CFAP47: variants seen among roughly 807,000 people sequenced by gnomAD.
The protein encoded by CFAP47 is cilia- and flagella-associated protein 47.
Under a neutral mutation model 148.1 loss-of-function variants are expected in CFAP47, and 29 were observed. That is an observed-to-expected ratio of 0.20 (90% CI 0.15 to 0.27). The LOEUF is 0.27. CFAP47 is among the 10% of genes least tolerant of loss of function. The pLI is 1.00. For synonymous variants in CFAP47, 664 were observed against 577.3 expected, an observed-to-expected ratio of 1.15 and a Z score of -2.15; for missense variants, 1,872 against 1,697.5, an observed-to-expected ratio of 1.10 and a Z score of -1.81.
At chrX:36,370,198 C>A (rs1203136182) in intron 62 of CFAP47, among the ~76,000 whole-genome samples, 3 of 109,581 alleles carry the variant, frequency 2.7e-5, no homozygotes, top group Non-Finnish European at 5.7e-5. Flanking sequence ...TTTGCTGCAC[C>A]CATCAACTCA....
chrX:35,925,266 C>T lies in CFAP47; in HGVS notation c.250-751C>T, dbSNP rs758777548. On this transcript the variant is annotated intron_variant, in intron 1 of 63. Transcript: ENST00000378653. ...GCGGGTGCCTGTAATCCCAGCTACT[C>T]GGGAGGCTGAGGCAGGAGAATGGCG... Among the ~76,000 whole-genome samples, 374 of 110,257 alleles carry T rather than the reference C, an allele frequency of 3.4e-3. 1 individual carries two copies. Among genetic ancestry groups the T allele is most frequent in the Non-Finnish European group, 5.2e-3 (276 of 52,766 alleles).
At chrX:36,336,248 C>CACAG (rs1371625580) in intron 57 of CFAP47, among the ~76,000 whole-genome samples, 2 of 28,031 alleles carry the variant, frequency 7.1e-5, no homozygotes, top group African/African-American at 3.7e-4. Context: ...CACACAGACA[C>CACAG]ACACACACAC....
At chrX:36,060,378 T>C (rs1283301939) in intron 26 of CFAP47, among the ~76,000 whole-genome samples, 1 of 111,800 alleles carries the variant, frequency 8.9e-6, no homozygotes, top group Non-Finnish European at 1.9e-5. Context: ...AAACACATAC[T>C]GATGTATACT....
At chrX:36,230,988 G>T (rs1257831991) in intron 46 of CFAP47, among the ~76,000 whole-genome samples, 1 of 104,837 alleles carries the variant, frequency 9.5e-6, no homozygotes, top group East Asian at 3.0e-4. Flanking sequence ...TTTGGTACCA[G>T]TACCATGCTG....
At chrX:36,363,762 C>T (rs1941847805) in intron 61 of CFAP47, among the ~76,000 whole-genome samples, 1 of 111,689 alleles carries the variant, frequency 9.0e-6, no homozygotes, top group Non-Finnish European at 1.9e-5. Context: ...CATCTTTTCA[C>T]AGAATACAGT....
chrX:36,051,355 G>T (rs1352854020), intron 26 of CFAP47, among the ~76,000 whole-genome samples: 1 of 112,137 alleles, frequency 8.9e-6, no homozygotes, highest in Non-Finnish European at 1.9e-5. Flanking sequence ...AAGGGGGGCT[G>T]TAACCTGCAA....
Position 36,149,230 on chromosome X carries a change from A to AT in CFAP47, c.5786+15dup, listed in dbSNP as rs1008346298. 1.7e-5 allele frequency: 5 copies of AT among 289,138 alleles called. No individual in the cohort carries two copies. Among genetic ancestry groups the AT allele is most frequent in the African/African-American group, 8.4e-5 (3 of 35,800 alleles). 23.8% of individuals were successfully genotyped at this position (289,138 alleles called of 1,213,427 possible). A position where few individuals can be genotyped will look rare whatever the true frequency, so the allele number is the denominator to read the frequency against. ...TTGTGACAATTTCTCCAAGGTAAGT[A>AT]TTTTTTTTAATTTTACATTATCAGA... On this transcript the variant is annotated splice_region_variant and intron_variant, in intron 37 of 63. Coordinates refer to ENST00000378653, the MANE Select transcript of CFAP47 (RefSeq NM_001304548.2).
At chrX:36,013,446 A>G (rs1937062874) in intron 21 of CFAP47, among the ~76,000 whole-genome samples, 1 of 112,040 alleles carries the variant, frequency 8.9e-6, no homozygotes, top group South Asian at 3.7e-4. Context: ...TTTCGGATAT[A>G]TGAACAATTA....
intron 52 of CFAP47, among the ~76,000 whole-genome samples, chrX:36,300,799 C>A (rs1556007675): frequency 3.6e-5 from 4 of 112,282 alleles, no homozygotes; most frequent in African/African-American, 1.3e-4. Flanking sequence ...TTAAAATACT[C>A]ATGTTTAAAC....
intron 45 of CFAP47, among the ~76,000 whole-genome samples, chrX:36,209,257 T>C (rs1273856984): frequency 8.9e-6 from 1 of 111,846 alleles, no homozygotes; most frequent in Admixed American, 9.5e-5. Context: ...AAGCTTGTGT[T>C]ATTATATTCG....
chrX:36,037,862 A>C (rs1937356736), intron 24 of CFAP47, among the ~76,000 whole-genome samples: 1 of 112,028 alleles, frequency 8.9e-6, no homozygotes, highest in Non-Finnish European at 1.9e-5. Flanking sequence ...TAATGTTTTA[A>C]ATACATACAT....
Position 36,258,235 on chromosome X carries a change from T to C in CFAP47, c.7444+6791T>C, listed in dbSNP as rs782308159. Among the ~76,000 whole-genome samples the C allele has an allele frequency of 2.7e-5, 3 of 112,167 alleles. No homozygotes were observed. In the East Asian group the frequency reaches 8.4e-4, roughly 32 times the overall value. On this transcript the variant is annotated intron_variant, in intron 49 of 63. Coordinates refer to ENST00000378653, the MANE Select transcript of CFAP47 (RefSeq NM_001304548.2). ...TTCATTCAAATTGCAAACAAGCTTT[T>C]AGTTCGCTTTTGTAAAAGATCCCCA...
intron 3 of CFAP47, among the ~76,000 whole-genome samples, chrX:35,942,883 G>A (rs1936030581): frequency 8.9e-6 from 1 of 111,862 alleles, no homozygotes; most frequent in Admixed American, 9.5e-5. Flanking sequence ...TTAGGATTAT[G>A]TTAGTATTTT....
At chrX:36,357,910 T>A (rs6632587) in intron 60 of CFAP47, among the ~76,000 whole-genome samples, 10,391 of 111,464 alleles carry the variant, frequency 0.093, 380 homozygotes, top group East Asian at 0.23. Context: ...GTTGTCTTTT[T>A]TCTGTGTGAT....
chrX:36,150,538 G>A (rs1465171557), intron 37 of CFAP47, among the ~76,000 whole-genome samples: 2 of 111,224 alleles, frequency 1.8e-5, no homozygotes, highest in Non-Finnish European at 3.8e-5. Context: ...TTATCTCTTT[G>A]GATTTTAACT....
intron 30 of CFAP47, among the ~76,000 whole-genome samples, chrX:36,097,696 T>G (rs771677394): frequency 1.8e-5 from 2 of 111,129 alleles, no homozygotes; most frequent in African/African-American, 6.5e-5. Flanking sequence ...TTTTTGATAT[T>G]TGGGAGACTG....
chrX:36,110,453 T>A, intron 33 of CFAP47, among the ~76,000 whole-genome samples: 1 of 111,138 alleles, frequency 9.0e-6, no homozygotes, highest in Middle Eastern at 4.7e-3. Flanking sequence ...ACCTCTATTC[T>A]GTTCCATTGG....
At chrX:36,362,633 A>G (rs1034185171) in intron 61 of CFAP47, among the ~76,000 whole-genome samples, 5 of 112,318 alleles carry the variant, frequency 4.5e-5, no homozygotes, top group African/African-American at 1.6e-4. Context: ...ATAATGTGAC[A>G]ATGAACATAA....
In CFAP47 at chrX:36,188,689, C is replaced by G. The variant is rs1399542840; in HGVS notation, c.6174C>G (p.Thr2058=). The change falls in exon 41 of 64, where the codon ACC becomes ACG. Residue 2058 remains threonine (T), a splice_region_variant and synonymous_variant. Transcript: ENST00000378653. The part of the protein sequence containing the change: ...GCSDSPNVLH[T]SIKSTFIREF... ...CCGATTCCCCAAATGTCTTACATAC[C>G]TGTGAGTACCTAAATAAAAGTTTTT... 1 of 297,096 alleles carries G rather than the reference C, an allele frequency of 3.4e-6. No homozygotes were observed. The highest frequency in any genetic ancestry group is 5.9e-6 in the Non-Finnish European group (1 of 170,019). 24.5% of individuals were successfully genotyped at this position (297,096 alleles called of 1,213,427 possible).
Sources: allele counts gnomAD v4.1 joint callset (sites outside exome capture counted in the v4.1 genomes callset), GRCh38; gene constraint gnomAD v4.1.1; transcripts MANE v1.5; gene names NCBI Gene and HGNC (gene_info 2026-07-23, HGNC 2026-07-21).